MDN1: variants seen among roughly 807,000 people sequenced by gnomAD.
The protein encoded by MDN1 is midasin AAA ATPase 1.
A neutral mutation model predicts 669.2 loss-of-function variants in MDN1; 266 were observed. That is an observed-to-expected ratio of 0.40 (90% confidence interval 0.36 to 0.44). The LOEUF is 0.44. Among genes scored for constraint, MDN1 ranks in the 20% least tolerant of loss-of-function variants. The pLI is 1.00. For missense variants in MDN1, 5,940 were observed against 6,754.0 expected (o/e 0.88, Z 4.22); for synonymous variants, 2,385 against 2,457.1 (o/e 0.97, Z 0.87).
In MDN1 at chr6:89,749,642, A is replaced by C. The variant is rs937794978; in HGVS notation, c.3516T>G (p.Arg1172=). ...CCTGTGTTTCTGTTACTAGCAATTC[A>C]CGGTTATCATCCAACAGCCTATTCA... ...EALNRLLDDN[R]ELLVTETQEV... Residue 1172 remains arginine, a synonymous_variant, in exon 25 of 102, where the codon CGT becomes CGG. Coordinates refer to ENST00000369393, the MANE Select transcript of MDN1 (RefSeq NM_014611.3). 3 of 1,614,058 alleles carry C rather than the reference A, an allele frequency of 1.9e-6. No individual in the cohort carries two copies. The African/African-American group carries it at 4.0e-5, about 22-fold the overall frequency.
At chr6:89,702,453 C>A (rs1418980256) in intron 53 of MDN1, among the ~76,000 whole-genome samples, 1 of 152,232 alleles carries the variant, frequency 6.6e-6, no homozygotes, top group Non-Finnish European at 1.5e-5. Context: ...CCAATACTTG[C>A]TGTTAATGAT....
intron 64 of MDN1, 131 bp downstream of exon 64, chr6:89,690,542 A>G: frequency 8.5e-7 from 1 of 1,181,560 alleles, no homozygotes. Flanking sequence ...TGGGTGATAG[A>G]GCAAGACCCA....
chr6:89,683,955 C>A, intron 71 of MDN1, 51 bp from the exon 72 acceptor site: 1 of 1,350,614 alleles, frequency 7.4e-7, no homozygotes, highest in South Asian at 1.2e-5. Flanking sequence ...TAGTGTCATT[C>A]TGTTTCTTTC....
chr6:89,819,463 G>T (rs2128334129), intron 1 of MDN1, 43 bp downstream of exon 1: 3 of 1,554,650 alleles, frequency 1.9e-6, no homozygotes, highest in South Asian at 2.2e-5. Context: ...CTAGTGGGGC[G>T]ACCCAGTCGT....
At chr6:89,656,676 G>A (rs1029458842) in intron 91 of MDN1, 24 bp downstream of exon 91, 1 of 1,496,748 alleles carries the variant, frequency 6.7e-7, no homozygotes, top group East Asian at 2.3e-5. Flanking sequence ...CTTCACCTAA[G>A]TTTAGCTGAG....
chr6:89,683,297 T>G lies in MDN1; in HGVS notation c.11937A>C (p.Ala3979=). 1.2e-6 allele frequency: 2 copies of G among 1,614,216 alleles called. No individual in the cohort carries two copies. Among genetic ancestry groups the G allele is most frequent in the Non-Finnish European group, 1.7e-6 (2 of 1,180,032 alleles). ...ATGACCGGCAGGGTTCACTCAGGACTGCTTCAAATTTCTTCATGAATTTAA... is the reference window on the plus strand; with the variant it reads ...ATGACCGGCAGGGTTCACTCAGGACGGCTTCAAATTTCTTCATGAATTTAA... ...TLFKFMKKFE[A]VLSEPCRSSL... is the part of the protein sequence containing the mutation. Residue 3979 remains alanine, a synonymous_variant, in exon 73 of 102, where the codon GCA becomes GCC. Transcript: ENST00000369393.
chr6:89,722,692 A>G (rs1271079356), intron 40 of MDN1, among the ~76,000 whole-genome samples: 1 of 152,056 alleles, frequency 6.6e-6, no homozygotes, highest in African/African-American at 2.4e-5. Flanking sequence ...TACTAAATAC[A>G]AAAAATTAGC....
Position 89,655,959 on chromosome 6 carries a change from T to A in MDN1, c.15295A>T (p.Arg5099Trp), listed in dbSNP as rs1174187876. 1.2e-6 allele frequency: 2 copies of A among 1,613,376 alleles called. No homozygotes were observed. Among genetic ancestry groups the A allele is most frequent in the Non-Finnish European group, 1.7e-6 (2 of 1,179,940 alleles). Residue 5099 changes from arginine (R) to tryptophan (W), a missense_variant, in exon 92 of 102, where the codon AGG becomes TGG. By Grantham distance (101) the Arg-to-Trp change is moderately radical. Around this residue, in one of 5 missense-constraint regions of MDN1, gnomAD observed 2,280 missense variants for 2,576.3 expected, o/e 0.88. Coordinates refer to ENST00000369393, the MANE Select transcript of MDN1 (RefSeq NM_014611.3). ...HTRKNTQSFKRKPGQADNERS... is the reference protein window; with the variant it reads ...HTRKNTQSFKWKPGQADNERS... ...TCATTGTCAGCCTGCCCAGGTTTCC[T>A]CTTAAAACTCTGAGAAATACAAGGA... is the stretch of plus-strand genomic sequence containing the variant.
chr6:89,788,408 G>C (rs980999325), intron 7 of MDN1, among the ~76,000 whole-genome samples: 6 of 152,200 alleles, frequency 3.9e-5, no homozygotes, highest in African/African-American at 1.2e-4. Flanking sequence ...AGAAGAATGA[G>C]CAGAAATTAA....
intron 90 of MDN1, among the ~76,000 whole-genome samples, chr6:89,657,303 A>G (rs1809386563): frequency 6.6e-6 from 1 of 152,208 alleles, no homozygotes. Context: ...GTCATACGGT[A>G]TAAGCAATAT....
Position 89,766,535 on chromosome 6 carries a change from C to T in MDN1, c.2145-4005G>A, listed in dbSNP as rs1817809265. Among the ~76,000 whole-genome samples the T allele has an allele frequency of 2.6e-5, 4 of 152,190 alleles. No homozygotes were observed. In the South Asian group the frequency reaches 8.3e-4, roughly 32 times the overall value. On this transcript the variant is annotated intron_variant, in intron 15 of 101. Coordinates refer to ENST00000369393, the MANE Select transcript of MDN1 (RefSeq NM_014611.3). ...CCAAACAACTAAAGAGCAAGATTTT[C>T]AAACCGTCTTCTGCAGAAAGGCACC... is the stretch of plus-strand genomic sequence containing the variant.
chr6:89,816,534 GGAC>G (rs1159930329), intron 1 of MDN1, among the ~76,000 whole-genome samples: 36 of 151,926 alleles, frequency 2.4e-4, no homozygotes, highest in African/African-American at 8.4e-4. Context: ...AGACCAGCCT[GGAC>G]AACAAAGCAA....
chr6:89,711,102 C>T (rs1813883837), intron 49 of MDN1, among the ~76,000 whole-genome samples: 2 of 152,146 alleles, frequency 1.3e-5, no homozygotes, highest in African/African-American at 2.4e-5. Context: ...ATATTATAAA[C>T]ATCCATGGGC....
In MDN1 at chr6:89,754,174, T is replaced by C. The variant is rs758721820; in HGVS notation, c.2873A>G (p.His958Arg). ...AGTCCGAAGGCTGTAGTGAGGTCTA[T>C]GGCCAGTGCCATCCACCAGTTTGGT... The part of the protein sequence containing the change: ...SGTKLVDGTG[H>R]RPHYSLRTLC... Residue 958 changes from histidine to arginine, a missense_variant, in exon 21 of 102, where the codon CAT (histidine) becomes CGT (arginine). Physicochemically the swap from His to Arg is conservative, Grantham distance 29. Transcript: ENST00000369393. 1.9e-6 allele frequency: 3 copies of C among 1,614,140 alleles called. No individual in the cohort carries two copies. Among genetic ancestry groups the C allele is most frequent in the South Asian group, 1.1e-5 (1 of 91,080 alleles).
At chr6:89,674,694 T>A in intron 78 of MDN1, 105 bp from the exon 79 acceptor site, 1 of 1,429,102 alleles carries the variant, frequency 7.0e-7, no homozygotes, top group South Asian at 1.5e-5. Flanking sequence ...ATGGGCTTTT[T>A]CATACAGTCA....
rs1812485075 is a variant in MDN1 at position 89,693,095 on chromosome 6, T to C, written c.9935A>G (p.Lys3312Arg). The C allele has an allele frequency of 6.2e-7, 1 of 1,612,790 alleles. No individual in the cohort carries two copies. Among genetic ancestry groups the C allele is most frequent in the South Asian group, 1.1e-5 (1 of 90,882 alleles). ...RLDNLTCHLL[K>R]KQAFRPQLPA... Reference sequence around the variant, plus strand: ...CAGCTGGGGTCTAAAGGCCTGTTTCTTCAACAGGTGACAGGTTAAATTATC... The same window carrying C: ...CAGCTGGGGTCTAAAGGCCTGTTTCCTCAACAGGTGACAGGTTAAATTATC... The change falls in exon 63 of 102, where the codon AAG becomes AGG. Residue 3312 changes from lysine to arginine, a missense_variant. Coordinates refer to ENST00000369393, the MANE Select transcript of MDN1 (RefSeq NM_014611.3).
At position 89,740,393 on chromosome 6, in the gene MDN1, G is replaced by C; in HGVS notation, c.4449-15C>G. On this transcript the variant is annotated splice_polypyrimidine_tract_variant and intron_variant, in intron 31 of 101. Coordinates refer to ENST00000369393, the MANE Select transcript of MDN1 (RefSeq NM_014611.3). ...CTTCAAGGACACTAAAAGAAAAATT[G>C]AAGAACAGTGAAAAGGGCTTATACA... 6.4e-7 allele frequency: 1 copy of C among 1,565,854 alleles called. No homozygotes were observed. The highest frequency in any genetic ancestry group is 8.6e-7 in the Non-Finnish European group (1 of 1,165,338).
rs764591106 is a variant in MDN1, at chr6:89,696,498, G to A, written c.9245C>T (p.Pro3082Leu). The A allele has an allele frequency of 1.6e-5, 26 of 1,614,184 alleles. No individual in the cohort carries two copies. The highest frequency in any genetic ancestry group is 2.2e-5 in the East Asian group (1 of 44,888). Residue 3082 changes from proline (P) to leucine (L), a missense_variant, in exon 60 of 102, where the codon CCC becomes CTC. Transcript: ENST00000369393. ...AATGGGGAGGCCACTCACATCCCAG[G>A]GACTTGCTCTCCAGCTGCTGGTTAA... ...EVLTSSWRAS[P>L]WDVSGLPILS...
At position 89,744,117 on chromosome 6, in the gene MDN1, A is replaced by C. The variant is rs549174004; in HGVS notation, c.4179-403T>G. Among the ~76,000 whole-genome samples, 372 of 145,328 alleles carry C rather than the reference A, an allele frequency of 2.6e-3. 1 individual carries two copies. Among genetic ancestry groups the C allele is most frequent in the African/African-American group, 8.5e-3 (343 of 40,252 alleles). On this transcript the variant is annotated intron_variant, in intron 29 of 101. Coordinates refer to ENST00000369393, the MANE Select transcript of MDN1 (RefSeq NM_014611.3). ...GAATGCCTTCTTAAAAAAAAAAAAA[A>C]AAAAAAAAAAAAAACCACCACCAAG... is the stretch of plus-strand genomic sequence containing the variant.
Sources: gnomAD v4.1 joint callset for allele counts (sites outside exome capture counted in the v4.1 genomes callset) on GRCh38, gnomAD v4.1.1 for gene constraint, gnomAD v4.1.1 regional missense constraint, MANE v1.5 for transcripts, NCBI Gene and HGNC (gene_info 2026-07-23, HGNC 2026-07-21) for gene names.